The following CNTNAP2 variants were observed in gnomAD, a reference collection of about 807,000 sequenced individuals.
CNTNAP2 encodes contactin-associated protein-like 2.
CNTNAP2 carries 98 observed loss-of-function variants against 155.2 expected under a neutral mutation model. The ratio of observed to expected loss-of-function variants is 0.63; its 90% CI spans 0.54 to 0.75. The LOEUF (loss-of-function observed/expected upper bound fraction) is 0.75, where lower values mean the gene tolerates loss of function less well. Among genes scored for constraint, CNTNAP2 ranks in the 30% least tolerant of loss-of-function variants. The pLI is 0.00. For missense variants in CNTNAP2, 1,727 were observed against 1,688.1 expected (o/e 1.02, Z -0.40); for synonymous variants, 651 against 631.2 (o/e 1.03, Z -0.47).
chr7:147,692,809 C>T (rs1028232150), intron 13 of CNTNAP2, among the ~76,000 whole-genome samples: 3 of 151,922 alleles, frequency 2.0e-5, no homozygotes, highest in Non-Finnish European at 4.4e-5. Context: ...TTTTTATTCT[C>T]TTGACATGCT....
At chr7:147,480,991 A>G (rs1798412977) in intron 10 of CNTNAP2, among the ~76,000 whole-genome samples, 1 of 152,136 alleles carries the variant, frequency 6.6e-6, no homozygotes, top group South Asian at 2.1e-4. Flanking sequence ...GTTTATACAG[A>G]ACAGCAGTTA....
At chr7:147,861,999 CAAAA>C (rs57139075) in intron 13 of CNTNAP2, among the ~76,000 whole-genome samples, 7,593 of 94,862 alleles carry the variant, frequency 0.08, 121 homozygotes, top group African/African-American at 0.12. Context: ...CTCCATCTCA[CAAAA>C]AAAAAAAAAA....
intron 2 of CNTNAP2, 21 bp from the exon 3 acceptor site, chr7:146,839,690 C>T (rs369256310): frequency 2.9e-5 from 47 of 1,613,470 alleles, no homozygotes; most frequent in South Asian, 6.6e-5. Context: ...ATTTTCCCAT[C>T]TTACCTCTGC....
chr7:147,717,815 A>G (rs1796503419), intron 13 of CNTNAP2, among the ~76,000 whole-genome samples: 1 of 152,026 alleles, frequency 6.6e-6, no homozygotes, highest in African/African-American at 2.4e-5. Context: ...TGAGTCCAGG[A>G]GTTCATAGTG....
At chr7:147,170,644 G>A (rs1437719520) in intron 8 of CNTNAP2, among the ~76,000 whole-genome samples, 2 of 152,148 alleles carry the variant, frequency 1.3e-5, no homozygotes, top group African/African-American at 2.4e-5. Context: ...CTGAGCCATA[G>A]GATCCAACCC....
intron 4 of CNTNAP2, among the ~76,000 whole-genome samples, chr7:147,052,265 G>C (rs989581841): frequency 8.6e-5 from 13 of 151,996 alleles, no homozygotes; most frequent in Non-Finnish European, 1.8e-4. Context: ...TCAAAATAAA[G>C]TCAACTGCAA....
rs1797427396 is a variant in CNTNAP2, at chr7:147,429,144, GTGTT to G, written c.1670+33368_1670+33371del. 3.4e-5 allele frequency among the ~76,000 whole-genome samples: 5 copies of G among 148,566 alleles called. No individual in the cohort carries two copies. The South Asian group carries it at 1.0e-3, about 31-fold the overall frequency. On this transcript the variant is annotated intron_variant, in intron 10 of 23. Coordinates refer to ENST00000361727, the MANE Select transcript of CNTNAP2 (RefSeq NM_014141.6). ...ATGTCTGAGTAGTATTCCATGGTGT[GTGTT>G]TGTGTATATATATATATATATATAC... is the stretch of plus-strand genomic sequence containing the variant.
intron 1 of CNTNAP2, among the ~76,000 whole-genome samples, chr7:146,534,435 C>T (rs2129139746): frequency 6.6e-6 from 1 of 152,174 alleles, no homozygotes; most frequent in East Asian, 1.9e-4. Context: ...TTATTTTTGA[C>T]AGTCTCTGCG....
chr7:146,497,116 T>C (rs1381464708), intron 1 of CNTNAP2, among the ~76,000 whole-genome samples: 1 of 152,198 alleles, frequency 6.6e-6, no homozygotes, highest in Non-Finnish European at 1.5e-5. Context: ...TGTCAGTCTC[T>C]GCTCTTCTTG....
At chr7:146,867,154 ATTC>A (rs1489211975) in intron 3 of CNTNAP2, among the ~76,000 whole-genome samples, 1 of 151,856 alleles carries the variant, frequency 6.6e-6, no homozygotes, top group Non-Finnish European at 1.5e-5. Context: ...TATCTTTTCT[ATTC>A]TTCTCCCTCT....
At chr7:147,579,523 A>C (rs995493765) in intron 12 of CNTNAP2, among the ~76,000 whole-genome samples, 3 of 152,158 alleles carry the variant, frequency 2.0e-5, no homozygotes, top group Non-Finnish European at 4.4e-5. Context: ...AGAAAAGTTT[A>C]CATTATTAAT....
At chr7:146,704,233 G>T (rs1308846020) in intron 1 of CNTNAP2, among the ~76,000 whole-genome samples, 1 of 152,044 alleles carries the variant, frequency 6.6e-6, no homozygotes, top group Non-Finnish European at 1.5e-5. Flanking sequence ...ATGCCACACA[G>T]CACACAGTCT....
At chr7:148,177,305 G>A (rs143531821) in intron 18 of CNTNAP2, among the ~76,000 whole-genome samples, 264 of 152,224 alleles carry the variant, frequency 1.7e-3, no homozygotes, top group African/African-American at 6.1e-3. Context: ...GGAAGAGGAG[G>A]GGGCACAGAG....
intron 1 of CNTNAP2, among the ~76,000 whole-genome samples, chr7:146,214,925 C>G (rs183990319): frequency 5.3e-5 from 8 of 152,288 alleles, no homozygotes; most frequent in Admixed American, 4.6e-4. Context: ...GCACTGTCCC[C>G]TTACCTCCCT....
chr7:147,068,951 AG>A (rs1389588826), intron 4 of CNTNAP2, among the ~76,000 whole-genome samples: 2 of 152,250 alleles, frequency 1.3e-5, no homozygotes, highest in African/African-American at 2.4e-5. Context: ...CAGGCTGTAC[AG>A]GAAGTGCTGG....
At chr7:146,640,914 C>T (rs1718104720) in intron 1 of CNTNAP2, among the ~76,000 whole-genome samples, 1 of 152,212 alleles carries the variant, frequency 6.6e-6, no homozygotes, top group East Asian at 1.9e-4. Flanking sequence ...AGGAAGACAA[C>T]ATCTGCGAAC....
At chr7:148,366,943 A>G (rs1798793603) in intron 21 of CNTNAP2, among the ~76,000 whole-genome samples, 1 of 152,200 alleles carries the variant, frequency 6.6e-6, no homozygotes, top group Non-Finnish European at 1.5e-5. Context: ...ATTAAGAAAA[A>G]CCATCACAGC....
chr7:147,095,580 TCAGA>T, intron 4 of CNTNAP2, among the ~76,000 whole-genome samples: 1 of 151,976 alleles, frequency 6.6e-6, no homozygotes, highest in African/African-American at 2.4e-5. Context: ...TGAATAAGTT[TCAGA>T]TGTATGTTGT....
chr7:148,364,755 G>A (rs1303107209), intron 21 of CNTNAP2, among the ~76,000 whole-genome samples: 2 of 152,214 alleles, frequency 1.3e-5, no homozygotes, highest in Admixed American at 1.3e-4. Context: ...CAGGATGTGG[G>A]TGGGGCCAGA....
Sources: allele counts gnomAD v4.1 joint callset (sites outside exome capture counted in the v4.1 genomes callset), GRCh38; gene constraint gnomAD v4.1.1; transcripts MANE v1.5; gene names NCBI Gene and HGNC (gene_info 2026-07-23, HGNC 2026-07-21).